CATSPERT: variants seen among roughly 807,000 people sequenced by gnomAD.
The protein encoded by CATSPERT is catsper channel auxiliary subunit tau, also known as cation channel sperm-associated targeting subunit tau.
At chr2:201,604,876 A>G in the CATSPERT span, among the ~76,000 whole-genome samples, 1 of 152,172 alleles carries the variant, frequency 6.6e-6, no homozygotes, top group South Asian at 2.1e-4. Flanking sequence ...AGAAATAAAA[A>G]TGTACACAAA....
the CATSPERT span, among the ~76,000 whole-genome samples, chr2:201,503,113 T>G: frequency 6.6e-6 from 1 of 152,206 alleles, no homozygotes; most frequent in African/African-American, 2.4e-5. Flanking sequence ...CTTGAACGTA[T>G]GAACTATATT....
the CATSPERT span, among the ~76,000 whole-genome samples, chr2:201,577,451 A>G: frequency 6.6e-6 from 1 of 152,228 alleles, no homozygotes; most frequent in Non-Finnish European, 1.5e-5. Flanking sequence ...ATCTGCACTC[A>G]TGTCAGCACG....
At chr2:201,499,740 G>A in the CATSPERT span, among the ~76,000 whole-genome samples, 3 of 151,722 alleles carry the variant, frequency 2.0e-5, no homozygotes, top group East Asian at 5.8e-4. Flanking sequence ...AGGCTGAGGT[G>A]GGGGATCACT....
chr2:201,582,437 T>C, the CATSPERT span, among the ~76,000 whole-genome samples: 5 of 152,172 alleles, frequency 3.3e-5, no homozygotes, highest in African/African-American at 1.2e-4. Context: ...TATATACTAA[T>C]ATCAACAAAA....
the CATSPERT span, among the ~76,000 whole-genome samples, chr2:201,608,340 A>G: frequency 6.6e-6 from 1 of 152,164 alleles, no homozygotes; most frequent in Non-Finnish European, 1.5e-5. Flanking sequence ...CTGAATGCCA[A>G]AAAACTCAGT....
At chr2:201,563,344 T>C in the CATSPERT span, among the ~76,000 whole-genome samples, 4 of 114,474 alleles carry the variant, frequency 3.5e-5, no homozygotes, top group Non-Finnish European at 7.5e-5. Flanking sequence ...CCTCCCGGAC[T>C]GGGCGGCTGG....
chr2:201,560,444 T>G, the CATSPERT span, among the ~76,000 whole-genome samples: 1 of 86,864 alleles, frequency 1.2e-5, no homozygotes, highest in African/African-American at 3.7e-5. Flanking sequence ...ATAATAATAA[T>G]AATAATAATA....
chr2:201,589,076 C>T, the CATSPERT span, among the ~76,000 whole-genome samples: 1 of 152,044 alleles, frequency 6.6e-6, no homozygotes, highest in South Asian at 2.1e-4. Context: ...ACAAGGAGAA[C>T]TACAAACCAC....
chr2:201,504,288 A>G, the CATSPERT span, among the ~76,000 whole-genome samples: 3 of 152,346 alleles, frequency 2.0e-5, no homozygotes. Context: ...AACTAGTACA[A>G]TTATAAGGCT....
chr2:201,501,899 G>A, the CATSPERT span, among the ~76,000 whole-genome samples: 2 of 152,186 alleles, frequency 1.3e-5, no homozygotes, highest in African/African-American at 4.8e-5. Context: ...TTAATCTCTT[G>A]ACCCAGTTAT....
the CATSPERT span, among the ~76,000 whole-genome samples, chr2:201,518,447 T>C: frequency 6.6e-6 from 1 of 152,196 alleles, no homozygotes; most frequent in African/African-American, 2.4e-5. Flanking sequence ...ATCTATACAG[T>C]GAAACTTGTG....
At chr2:201,489,135 A>C in the CATSPERT span, among the ~76,000 whole-genome samples, 1 of 152,200 alleles carries the variant, frequency 6.6e-6, no homozygotes, top group Non-Finnish European at 1.5e-5. Flanking sequence ...CATCTGAAAA[A>C]TGCCCTCTTA....
chr2:201,536,285 T>G, the CATSPERT span: 1 of 1,611,984 alleles, frequency 6.2e-7, no homozygotes, highest in Non-Finnish European at 8.5e-7. Context: ...TCAAAGTTGG[T>G]ATAGTCAGGC....
the CATSPERT span, chr2:201,494,917 T>G: frequency 2.2e-6 from 1 of 461,710 alleles, no homozygotes; most frequent in Non-Finnish European, 2.8e-6. Context: ...TTTAAAATAT[T>G]TGAAATTGAA....
chr2:201,487,602 C>A, the CATSPERT span: 22 of 1,606,082 alleles, frequency 1.4e-5, no homozygotes, highest in Admixed American at 6.7e-5. Context: ...CACAAATGAG[C>A]GAACATTTTT....
At chr2:201,569,728 C>G in the CATSPERT span, among the ~76,000 whole-genome samples, 1 of 152,166 alleles carries the variant, frequency 6.6e-6, no homozygotes, top group Non-Finnish European at 1.5e-5. Flanking sequence ...CAAGTCCACT[C>G]TAACATAATT....
the CATSPERT span, chr2:201,604,534 A>G: frequency 2.3e-6 from 2 of 856,970 alleles, no homozygotes; most frequent in South Asian, 4.7e-5. Context: ...ATCAGAGAGA[A>G]CCATTTTCTG....
At chr2:201,581,026 A>T in the CATSPERT span, among the ~76,000 whole-genome samples, 1 of 152,162 alleles carries the variant, frequency 6.6e-6, no homozygotes, top group Non-Finnish European at 1.5e-5. Context: ...ATAATAAAAC[A>T]TGTTTAACTT....
the CATSPERT span, among the ~76,000 whole-genome samples, chr2:201,503,924 A>G: frequency 3.9e-5 from 6 of 152,110 alleles, no homozygotes; most frequent in African/African-American, 1.4e-4. Context: ...CAAAGGTGAT[A>G]CCCTTCTAAG....
Sources: gnomAD v4.1 joint callset for allele counts (sites outside exome capture counted in the v4.1 genomes callset) on GRCh38, gnomAD v4.1.1 for gene constraint, MANE v1.5 for transcripts, NCBI Gene and HGNC (gene_info 2026-07-23, HGNC 2026-07-21) for gene names.